PRDM1: variants seen among roughly 807,000 people sequenced by gnomAD.
The protein encoded by PRDM1 is PR domain zinc finger protein 1.
In PRDM1, 13 loss-of-function variants were observed where a neutral mutation model predicts 62.8. The ratio of observed to expected loss-of-function variants is 0.21; its 90% CI spans 0.13 to 0.33. The LOEUF is 0.33. Among genes scored for constraint, PRDM1 ranks in the 10% least tolerant of loss-of-function variants. PRDM1 has a pLI of 1.00. For synonymous variants in PRDM1, 396 were observed against 417.6 expected, an observed-to-expected ratio of 0.95 and a Z score of 0.63; for missense variants, 895 against 1,058.8, an observed-to-expected ratio of 0.85 and a Z score of 2.15.
intron 1 of PRDM1, among the ~76,000 whole-genome samples, chr6:106,025,548 C>A (rs550113570): frequency 6.6e-6 from 1 of 152,198 alleles, no homozygotes; most frequent in East Asian, 1.9e-4. Flanking sequence ...TTGGAATAGT[C>A]AAATCTTGAA....
Position 106,105,202 on chromosome 6 carries a change from A to G in PRDM1, c.1042A>G (p.Lys348Glu). ...AAGAAGCAGCCCCGACCAAAGCCTC[A>G]AGAGCTCCAGCCCTCACAGCAGCCC... ...SARSSPDQSL[K>E]SSSPHSSPGN... The change falls in exon 5 of 7, where the codon AAG (lysine) becomes GAG (glutamate). Residue 348 changes from lysine (K) to glutamate (E), a missense_variant. By Grantham distance (56) the Lys-to-Glu change is moderately conservative. Transcript: ENST00000369096. 1 of 1,613,588 alleles carries G rather than the reference A, an allele frequency of 6.2e-7. No homozygotes were observed. The highest frequency in any genetic ancestry group is 8.5e-7 in the Non-Finnish European group (1 of 1,179,940).
At chr6:106,057,813 C>T (rs1582443076) in intron 1 of PRDM1, among the ~76,000 whole-genome samples, 1 of 152,286 alleles carries the variant, frequency 6.6e-6, no homozygotes, top group East Asian at 1.9e-4. Flanking sequence ...CTCTCTTACT[C>T]CCAGAAAATG....
rs144697229 is a variant in PRDM1 at position 106,048,829 on chromosome 6, AT to A, written c.-67+126del. 3.4e-3 allele frequency among the ~76,000 whole-genome samples: 498 copies of A among 145,950 alleles called. 2 individuals are homozygous for A. The highest frequency in any genetic ancestry group is 7.4e-3 in the African/African-American group (298 of 40,050). On this transcript the variant is annotated intron_variant, in intron 1 of 6. Transcript: ENST00000651185. ...TCTAAATGTGAAGTAAATGCCTTCC[AT>A]TTTTTTTTTTCTTTCTGAGACAGAG...
chr6:106,035,384 G>A (rs1772910087), intron 1 of PRDM1, among the ~76,000 whole-genome samples: 1 of 152,156 alleles, frequency 6.6e-6, no homozygotes, highest in Admixed American at 6.5e-5. Flanking sequence ...CACTTTGGAA[G>A]ACTGAGGCAG....
intron 1 of PRDM1, among the ~76,000 whole-genome samples, chr6:106,077,196 A>C (rs1425109620): frequency 6.6e-6 from 1 of 152,236 alleles, no homozygotes; most frequent in African/African-American, 2.4e-5. Context: ...TTCAGAGCCC[A>C]CTACAGTGCT....
chr6:106,035,588 CACA>C (rs1444760860), intron 1 of PRDM1, among the ~76,000 whole-genome samples: 1 of 152,048 alleles, frequency 6.6e-6, no homozygotes, highest in African/African-American at 2.4e-5. Flanking sequence ...ATGATAATGC[CACA>C]TTACTCCAGC....
chr6:106,068,385 C>A (rs1773465282), intron 1 of PRDM1, among the ~76,000 whole-genome samples: 1 of 152,216 alleles, frequency 6.6e-6, no homozygotes, highest in Non-Finnish European at 1.5e-5. Flanking sequence ...AGCCACCGTG[C>A]CTGGCCCACC....
chr6:105,998,890 C>CATATATAT (rs202209129), intron 1 of PRDM1, among the ~76,000 whole-genome samples: 9 of 100,198 alleles, frequency 9.0e-5, no homozygotes, highest in East Asian at 2.9e-4. Flanking sequence ...AAAGTTAATA[C>CATATATAT]ATATATATAT....
chr6:106,006,798 C>T (rs572899067), intron 1 of PRDM1, among the ~76,000 whole-genome samples: 1 of 151,864 alleles, frequency 6.6e-6, no homozygotes, highest in African/African-American at 2.4e-5. Flanking sequence ...AGCCATGTTC[C>T]TCATGGCTTC....
upstream of PRDM1, among the ~76,000 whole-genome samples, chr6:106,082,902 GAC>G (rs1188168555): frequency 5.9e-5 from 9 of 152,090 alleles, no homozygotes; most frequent in Non-Finnish European, 1.2e-4. Flanking sequence ...TCACACCAAT[GAC>G]ACACACAGGC....
intron 1 of PRDM1, among the ~76,000 whole-genome samples, chr6:106,071,771 G>A (rs1020216070): frequency 6.7e-6 from 1 of 148,554 alleles, no homozygotes; most frequent in Non-Finnish European, 1.5e-5. Flanking sequence ...CACAACCACA[G>A]TATATTTTCT....
rs1313683393 is a variant in PRDM1 at position 106,108,205 on chromosome 6, G to A, written c.*719G>A. ...TAGAAGAAACAAGAAAGGGAATCTTGTATATTTTTGTTGATAGTTCATGTT... is the reference window on the plus strand; with the variant it reads ...TAGAAGAAACAAGAAAGGGAATCTTATATATTTTTGTTGATAGTTCATGTT... On this transcript the variant is annotated 3_prime_UTR_variant, in exon 7 of 7. Transcript: ENST00000369096. The A allele has an allele frequency of 4.3e-6, 1 of 233,446 alleles. No individual in the cohort carries two copies. Among genetic ancestry groups the A allele is most frequent in the Non-Finnish European group, 8.5e-6 (1 of 117,944 alleles). The allele number at this position is 233,446 out of a possible 1,614,324, so 14.5% of individuals were successfully genotyped here.
chr6:106,013,322 G>T (rs1356640532), intron 1 of PRDM1, among the ~76,000 whole-genome samples: 1 of 138,512 alleles, frequency 7.2e-6, no homozygotes, highest in Non-Finnish European at 1.5e-5. Context: ...ACTGCTTTTT[G>T]AACTTTTCTT....
intron 1 of PRDM1, among the ~76,000 whole-genome samples, chr6:106,023,733 G>C (rs1772729464): frequency 6.6e-6 from 1 of 152,180 alleles, no homozygotes. Context: ...AGCTGGACAG[G>C]CCACACTGCT....
intron 1 of PRDM1, among the ~76,000 whole-genome samples, chr6:106,060,573 A>G (rs572869946): frequency 5.9e-5 from 9 of 152,330 alleles, no homozygotes; most frequent in East Asian, 1.9e-4. Context: ...AGGATGGATC[A>G]TAGACTTGAA....
chr6:106,090,583 G>C (rs1773935978), intron 2 of PRDM1, among the ~76,000 whole-genome samples: 1 of 152,188 alleles, frequency 6.6e-6, no homozygotes, highest in Non-Finnish European at 1.5e-5. Flanking sequence ...GAGGATGGTG[G>C]AGTTGAGCCA....
intron 4 of PRDM1, among the ~76,000 whole-genome samples, chr6:106,103,858 C>G (rs191753270): frequency 2.6e-4 from 39 of 152,324 alleles, no homozygotes; most frequent in African/African-American, 7.7e-4. Flanking sequence ...GCAGAGGTGA[C>G]TGTCACGCCT....
At chr6:106,072,717 A>G (rs754590459) in intron 1 of PRDM1, among the ~76,000 whole-genome samples, 14 of 152,164 alleles carry the variant, frequency 9.2e-5, no homozygotes, top group African/African-American at 1.9e-4. Context: ...CCTTCTAACC[A>G]TCTACATCAT....
At chr6:106,098,962 T>C in intron 3 of PRDM1, 1 of 1,546,000 alleles carries the variant, frequency 6.5e-7, no homozygotes, top group African/African-American at 1.4e-5. Flanking sequence ...CCATTTGCCA[T>C]TCACTGCAGT....
Sources: gnomAD v4.1 joint callset for allele counts (sites outside exome capture counted in the v4.1 genomes callset) on GRCh38, gnomAD v4.1.1 for gene constraint, MANE v1.5 for transcripts, NCBI Gene and HGNC (gene_info 2026-07-23, HGNC 2026-07-21) for gene names.